The following TANGO6 variants were observed in gnomAD, a reference collection of about 807,000 sequenced individuals.
The protein encoded by TANGO6 is transport and Golgi organization protein 6 homolog.
In TANGO6, 90 loss-of-function variants were observed where a neutral mutation model predicts 114.2. The ratio of observed to expected loss-of-function variants is 0.79; its 90% CI spans 0.66 to 0.94. The LOEUF is 0.94. Ranked by LOEUF, TANGO6 falls within the 40% of genes least tolerant of loss-of-function variation. TANGO6 has a pLI of 0.00. For synonymous variants in TANGO6, 477 were observed against 509.8 expected, an observed-to-expected ratio of 0.94 and a Z score of 0.87; for missense variants, 1,274 against 1,315.3, an observed-to-expected ratio of 0.97 and a Z score of 0.49.
At chr16:69,062,278 T>C (rs1960129690) in intron 17 of TANGO6, among the ~76,000 whole-genome samples, 1 of 152,106 alleles carries the variant, frequency 6.6e-6, no homozygotes, top group Non-Finnish European at 1.5e-5. Flanking sequence ...CTTAGACTTT[T>C]CATAGGCAAA....
intron 9 of TANGO6, among the ~76,000 whole-genome samples, chr16:68,906,934 T>C (rs1962858277): frequency 6.6e-6 from 1 of 151,724 alleles, no homozygotes; most frequent in Non-Finnish European, 1.5e-5. Context: ...GCTGGGATTA[T>C]AGGCATGAGC....
intron 9 of TANGO6, among the ~76,000 whole-genome samples, chr16:68,906,867 C>T (rs1255273218): frequency 6.6e-6 from 1 of 150,578 alleles, no homozygotes; most frequent in African/African-American, 2.4e-5. Flanking sequence ...AATCTCGGCT[C>T]ACTGCACCCT....
At chr16:69,052,370 G>C (rs1959965498) in intron 17 of TANGO6, among the ~76,000 whole-genome samples, 2 of 150,520 alleles carry the variant, frequency 1.3e-5, no homozygotes, top group South Asian at 4.2e-4. Flanking sequence ...CCAGGCTTAA[G>C]CAATCCTCCC....
At chr16:68,919,511 T>C (rs1280782099) in intron 12 of TANGO6, among the ~76,000 whole-genome samples, 1 of 152,132 alleles carries the variant, frequency 6.6e-6, no homozygotes, top group East Asian at 1.9e-4. Flanking sequence ...CTGAGGTGAA[T>C]ACTAGATTTT....
At chr16:68,965,089 T>C (rs145509063) in intron 14 of TANGO6, among the ~76,000 whole-genome samples, 35 of 152,374 alleles carry the variant, frequency 2.3e-4, no homozygotes, top group African/African-American at 8.4e-4. Flanking sequence ...GACTTTTAAA[T>C]GTAATACACC....
At chr16:68,845,709 C>T (rs927818957) in intron 1 of TANGO6, among the ~76,000 whole-genome samples, 4 of 152,092 alleles carry the variant, frequency 2.6e-5, no homozygotes, top group African/African-American at 7.2e-5. Flanking sequence ...CATGGTACTA[C>T]ACACCTGTGG....
intron 16 of TANGO6, among the ~76,000 whole-genome samples, chr16:69,039,143 C>A (rs1328575045): frequency 6.6e-6 from 1 of 152,064 alleles, no homozygotes; most frequent in East Asian, 1.9e-4. Flanking sequence ...CAAGATCGCG[C>A]CACTGCACTC....
intron 14 of TANGO6, among the ~76,000 whole-genome samples, chr16:68,941,207 T>C (rs1963349333): frequency 6.6e-6 from 1 of 152,182 alleles, no homozygotes. Context: ...AAAAAACATG[T>C]TTTTATCTTT....
At chr16:69,050,904 C>T (rs1376914363) in intron 17 of TANGO6, among the ~76,000 whole-genome samples, 6 of 152,094 alleles carry the variant, frequency 3.9e-5, no homozygotes, top group African/African-American at 1.4e-4. Flanking sequence ...GGATTACAGG[C>T]GTGAGCCATT....
chr16:68,888,132 G>T (rs911887709), intron 7 of TANGO6, among the ~76,000 whole-genome samples: 1 of 152,134 alleles, frequency 6.6e-6, no homozygotes, highest in African/African-American at 2.4e-5. Context: ...CTGCATAAAT[G>T]ATTCTCACTT....
chr16:68,890,091 G>A (rs1463396249), intron 7 of TANGO6, among the ~76,000 whole-genome samples: 1 of 152,136 alleles, frequency 6.6e-6, no homozygotes, highest in East Asian at 1.9e-4. Flanking sequence ...TATTTGACTA[G>A]TTTAATCTTT....
chr16:68,995,166 A>G (rs779307604), intron 15 of TANGO6, among the ~76,000 whole-genome samples: 10 of 152,108 alleles, frequency 6.6e-5, no homozygotes, highest in Admixed American at 3.9e-4. Context: ...AATCATTCCT[A>G]CTTGTGTGGT....
intron 15 of TANGO6, among the ~76,000 whole-genome samples, chr16:69,014,906 A>G (rs1012883758): frequency 8.6e-5 from 13 of 151,966 alleles, no homozygotes; most frequent in African/African-American, 1.2e-4. Context: ...AAAAAAAAAA[A>G]AAAAAGAAAA....
At chr16:69,063,383 G>T (rs1157838154) in intron 17 of TANGO6, among the ~76,000 whole-genome samples, 1 of 151,960 alleles carries the variant, frequency 6.6e-6, no homozygotes, top group East Asian at 1.9e-4. Flanking sequence ...AAATTAGCCG[G>T]GCGTGATGGC....
At chr16:68,999,398 T>C (rs2152220586) in intron 15 of TANGO6, among the ~76,000 whole-genome samples, 1 of 152,322 alleles carries the variant, frequency 6.6e-6, no homozygotes, top group African/African-American at 2.4e-5. Context: ...TAAGGGGCTT[T>C]TATTGGCTCT....
At position 68,900,254 on chromosome 16, in the gene TANGO6, C is replaced by T. The variant is rs567606447; in HGVS notation, c.1378-180C>T. 6.8e-6 allele frequency: 4 copies of T among 590,328 alleles called. No homozygotes were observed. In the South Asian group the frequency reaches 9.0e-5, roughly 13 times the overall value. The allele number at this position is 590,328 out of a possible 1,614,324, so 36.6% of individuals were successfully genotyped here. A position where few individuals can be genotyped will look rare whatever the true frequency, so the allele number is the denominator to read the frequency against. On this transcript the variant is annotated intron_variant, in intron 7 of 17. Transcript: ENST00000261778. ...CTCCAGTTCACTGTCTTGTTTCAGC[C>T]TGTCTGCCAAACTCAAATTGTTTCA...
intron 7 of TANGO6, among the ~76,000 whole-genome samples, chr16:68,894,888 C>G (rs903812221): frequency 1.3e-5 from 2 of 152,108 alleles, no homozygotes; most frequent in African/African-American, 4.8e-5. Flanking sequence ...AGTCCCCATT[C>G]TAACCTCCGA....
chr16:69,028,557 C>T (rs145929417), intron 16 of TANGO6, among the ~76,000 whole-genome samples: 178 of 152,032 alleles, frequency 1.2e-3, no homozygotes, highest in African/African-American at 4.0e-3. Flanking sequence ...CGCTTGAACA[C>T]GGGAGGCGGA....
intron 15 of TANGO6, among the ~76,000 whole-genome samples, chr16:69,003,997 C>A (rs1964068224): frequency 6.6e-6 from 1 of 151,268 alleles, no homozygotes; most frequent in Non-Finnish European, 1.5e-5. Context: ...TAAATAACAT[C>A]TGAATTGGCA....
Sources: gnomAD v4.1 joint callset for allele counts (sites outside exome capture counted in the v4.1 genomes callset) on GRCh38, gnomAD v4.1.1 for gene constraint, MANE v1.5 for transcripts, NCBI Gene and HGNC (gene_info 2026-07-23, HGNC 2026-07-21) for gene names.